The following TBXAS1 variants were observed in gnomAD, a reference collection of about 807,000 sequenced individuals.
TBXAS1 encodes the protein thromboxane-A synthase.
In TBXAS1, 48 loss-of-function variants were observed where a neutral mutation model predicts 60.7. The ratio of observed to expected loss-of-function variants is 0.79; its 90% confidence interval spans 0.63 to 1.01. The LOEUF (loss-of-function observed/expected upper bound fraction) is 1.01. Ranked by LOEUF, TBXAS1 falls within the 50% of genes least tolerant of loss-of-function variation. The pLI, the probability that TBXAS1 is intolerant of heterozygous loss-of-function variation, is 0.00. For missense variants in TBXAS1, 685 were observed against 686.3 expected, an observed-to-expected ratio of 1.00 and a Z score of 0.02; for synonymous variants, 287 against 269.7, an observed-to-expected ratio of 1.06 and a Z score of -0.63.
intron 3 of TBXAS1, among the ~76,000 whole-genome samples, chr7:139,878,378 A>T (rs1802425511): frequency 6.6e-6 from 1 of 152,216 alleles, no homozygotes; most frequent in Non-Finnish European, 1.5e-5. Flanking sequence ...ATCATAGAGA[A>T]TGATTTCAAA....
rs1321046930 is a variant in TBXAS1 at position 139,887,645 on chromosome 7, ATTCTGCCTTT to A, written c.236+12010_236+12019del. 2.0e-5 allele frequency among the ~76,000 whole-genome samples: 3 copies of A among 152,194 alleles called. No individual in the cohort carries two copies. The East Asian group carries it at 5.8e-4, about 29-fold the overall frequency. Reference sequence around the variant, plus strand: ...CTGAGTAATATTCCATTGTAAGCCTATTCTGCCTTTTGTTTATTCGTTTGTTTGTAGATGG... The same window carrying A: ...CTGAGTAATATTCCATTGTAAGCCTATGTTTATTCGTTTGTTTGTAGATGG... On this transcript the variant is annotated intron_variant, in intron 3 of 12. Coordinates refer to ENST00000448866, the MANE Select transcript of TBXAS1 (RefSeq NM_001061.7).
intron 4 of TBXAS1, among the ~76,000 whole-genome samples, chr7:139,922,657 C>T (rs1806572004): frequency 6.6e-6 from 1 of 152,152 alleles, no homozygotes; most frequent in Non-Finnish European, 1.5e-5. Flanking sequence ...TCAAAATCTT[C>T]TTTTGTGGTA....
chr7:140,019,707 C>T (rs1319898360), intron 12 of TBXAS1, among the ~76,000 whole-genome samples: 4 of 152,206 alleles, frequency 2.6e-5, no homozygotes, highest in Non-Finnish European at 5.9e-5. Context: ...GCCTTTTAAG[C>T]TGGACATAGG....
intron 4 of TBXAS1, among the ~76,000 whole-genome samples, chr7:139,823,351 A>G (rs1484148340): frequency 1.3e-5 from 2 of 151,946 alleles, no homozygotes; most frequent in Admixed American, 1.3e-4. Context: ...GTCCCCAGTG[A>G]TTATTCAATA....
In TBXAS1 at chr7:139,990,941, G is replaced by C. The variant is rs550390696; in HGVS notation, c.1135-16150G>C. On this transcript the variant is annotated intron_variant, in intron 9 of 12. Transcript: ENST00000448866. ...GCCTCCCGACGGTGCAGGCACGGGG[G>C]CACAGAGGCAGCAGGACATTGCAGG... Among the ~76,000 whole-genome samples, 60 of 152,138 alleles carry C rather than the reference G, an allele frequency of 3.9e-4. 1 individual carries two copies. Among genetic ancestry groups the C allele is most frequent in the Non-Finnish European group, 5.0e-4 (34 of 68,032 alleles).
chr7:139,783,137 G>A (rs1378421861), intron 3 of TBXAS1, among the ~76,000 whole-genome samples: 1 of 152,168 alleles, frequency 6.6e-6, no homozygotes, highest in Non-Finnish European at 1.5e-5. Flanking sequence ...GTGGCTTTAA[G>A]GGCAAAGGGG....
intron 5 of TBXAS1, among the ~76,000 whole-genome samples, chr7:139,950,695 A>C (rs1584932260): frequency 6.9e-6 from 1 of 145,978 alleles, no homozygotes; most frequent in Non-Finnish European, 1.5e-5. Context: ...CTCGCCCTCC[A>C]TCTACGGGAC....
intron 1 of TBXAS1, among the ~76,000 whole-genome samples, chr7:139,842,739 C>T (rs1235561380): frequency 6.6e-6 from 1 of 152,248 alleles, no homozygotes; most frequent in African/African-American, 2.4e-5. Flanking sequence ...CTTTCAGCCT[C>T]AGCCCTCAGT....
At chr7:139,913,275 A>T in intron 4 of TBXAS1, 1 of 625,394 alleles carries the variant, frequency 1.6e-6, no homozygotes, top group South Asian at 1.7e-5. Flanking sequence ...GTCTGTCAAG[A>T]AACTGATTCT....
intron 4 of TBXAS1, among the ~76,000 whole-genome samples, chr7:139,933,738 A>G (rs73482166): frequency 0.025 from 3,805 of 152,274 alleles, 170 homozygotes; most frequent in African/African-American, 0.087. Context: ...AGGCTTTTGA[A>G]TTCTGATGAC....
chr7:139,783,670 T>C (rs1797072342), intron 3 of TBXAS1, among the ~76,000 whole-genome samples: 1 of 152,242 alleles, frequency 6.6e-6, no homozygotes, highest in Admixed American at 6.5e-5. Context: ...CTGCAGGTCC[T>C]GTTAAGCCTA....
At chr7:139,948,449 T>G (rs1257248795) in intron 5 of TBXAS1, among the ~76,000 whole-genome samples, 2 of 152,196 alleles carry the variant, frequency 1.3e-5, no homozygotes, top group Non-Finnish European at 2.9e-5. Context: ...CACTGGGAGT[T>G]GGGGCTTCAA....
chr7:139,880,369 A>T (rs1428586226), intron 3 of TBXAS1, among the ~76,000 whole-genome samples: 2 of 152,098 alleles, frequency 1.3e-5, no homozygotes, highest in Non-Finnish European at 2.9e-5. Flanking sequence ...GCATCCCTGG[A>T]TCCCTTCATG....
intron 4 of TBXAS1, among the ~76,000 whole-genome samples, chr7:139,817,760 A>G (rs1446940420): frequency 6.6e-6 from 1 of 152,178 alleles, no homozygotes; most frequent in African/African-American, 2.4e-5. Context: ...CACTCATTAT[A>G]TCCTTCTTAG....
At position 139,984,619 on chromosome 7, in the gene TBXAS1, AG is replaced by A. The variant is rs1259437992; in HGVS notation, c.1134+22387del. On this transcript the variant is annotated intron_variant, in intron 9 of 12. Transcript: ENST00000448866. ...AAATAAAAAAATAAGAAAGAAAGAG[AG>A]AGAGAGAGAGAGAGAGAGAGAGAAA... is the stretch of plus-strand genomic sequence containing the variant. 2.1e-3 allele frequency among the ~76,000 whole-genome samples: 241 copies of A among 114,246 alleles called. 18 individuals carry two copies. Among genetic ancestry groups the A allele is most frequent in the South Asian group, 0.019 (69 of 3,672 alleles). The allele number at this position is 114,246 out of a possible 152,430, so 74.9% of individuals were successfully genotyped here.
chr7:140,003,597 A>G (rs1813850140), intron 9 of TBXAS1, among the ~76,000 whole-genome samples: 1 of 152,156 alleles, frequency 6.6e-6, no homozygotes, highest in Admixed American at 6.5e-5. Context: ...TTTCTAATAC[A>G]AAATTCGCTT....
chr7:139,783,400 G>A (rs187921911), intron 3 of TBXAS1, among the ~76,000 whole-genome samples: 176 of 151,946 alleles, frequency 1.2e-3, no homozygotes, highest in Middle Eastern at 0.01. Flanking sequence ...AAGCTGTAAT[G>A]TAGATGCACA....
intron 4 of TBXAS1, among the ~76,000 whole-genome samples, chr7:139,918,967 T>A (rs1806217960): frequency 6.6e-6 from 1 of 151,052 alleles, no homozygotes; most frequent in Non-Finnish European, 1.5e-5. Context: ...TTTTTGGTAT[T>A]TTTTTTTTAC....
chr7:139,789,156 CT>C lies in TBXAS1; in HGVS notation c.-80+1736del, dbSNP rs767623714. ...CTAGATATACATATTCACTTTTTGC[CT>C]TTTTTATAATAATTTGAGAAGTTAT... On this transcript the variant is annotated intron_variant, in intron 4 of 16. Transcript: ENST00000336425. 7 of 151,884 alleles carry C rather than the reference CT, an allele frequency of 4.6e-5. No homozygotes were observed. In the East Asian group the frequency reaches 1.2e-3, roughly 25 times the overall value. 9.4% of individuals were successfully genotyped at this position (151,884 alleles called of 1,614,324 possible).
Sources: allele counts gnomAD v4.1 joint callset (sites outside exome capture counted in the v4.1 genomes callset), GRCh38; gene constraint gnomAD v4.1.1; transcripts MANE v1.5; gene names NCBI Gene and HGNC (gene_info 2026-07-23, HGNC 2026-07-21).